Variants in PIEZO1 observed in about 807,000 individuals in gnomAD.
PIEZO1 encodes the protein piezo type mechanosensitive ion channel component 1 (Er blood group), also known as piezo-type mechanosensitive ion channel component 1.
PIEZO1 carries 296 observed loss-of-function variants against 297.2 expected under a neutral mutation model. The ratio of observed to expected loss-of-function variants is 1.00; its 90% CI spans 0.91 to 1.10. The LOEUF is 1.10. Among genes scored for constraint, PIEZO1 ranks in the 50% least tolerant of loss-of-function variants. The pLI, the probability that PIEZO1 is intolerant of heterozygous loss-of-function variation, is 0.00. For missense variants in PIEZO1, 5,018 were observed against 3,455.5 expected (o/e 1.45, Z -11.34); for synonymous variants, 2,427 against 1,507.5 (o/e 1.61, Z -14.13).
chr16:88,782,905 G>C (rs1280322103), intron 1 of PIEZO1, among the ~76,000 whole-genome samples: 1 of 152,200 alleles, frequency 6.6e-6, no homozygotes, highest in East Asian at 1.9e-4. Context: ...GTGACTGAGA[G>C]AAAACACTGA....
chr16:88,772,017 A>C (rs1234558567), intron 1 of PIEZO1, among the ~76,000 whole-genome samples: 1 of 72,550 alleles, frequency 1.4e-5, no homozygotes, highest in South Asian at 5.2e-4. Flanking sequence ...CCGCGGCCCC[A>C]GGCCCTCCTG....
At chr16:88,739,029 C>T (rs998841663) in intron 5 of PIEZO1, 11 of 496,350 alleles carry the variant, frequency 2.2e-5, no homozygotes, top group African/African-American at 3.9e-5. Flanking sequence ...ATGACCTTGC[C>T]AGGTACAGAC....
rs1302273450 is a variant in PIEZO1 at position 88,722,915 on chromosome 16, C to T, written c.4590G>A (p.Gln1530=). The change falls in exon 34 of 51, where the codon CAG becomes CAA. Residue 1530 remains glutamine (Q), a synonymous_variant. Coordinates refer to ENST00000301015, the MANE Select transcript of PIEZO1 (RefSeq NM_001142864.4). The part of the protein sequence containing the change: ...ALVDELTRWL[Q]EFTRHHGTMS... ...TGGTGCCGTGGTGCCGGGTGAACTC[C>T]TGCAGCCAGCGTGTCAGCTCATCCA... The T allele has an allele frequency of 1.3e-5, 20 of 1,549,400 alleles. No individual in the cohort carries two copies. Among genetic ancestry groups the T allele is most frequent in the African/African-American group, 1.2e-4 (9 of 73,144 alleles).
At chr16:88,757,039 G>A (rs1172441300) in intron 1 of PIEZO1, among the ~76,000 whole-genome samples, 1 of 152,190 alleles carries the variant, frequency 6.6e-6, no homozygotes, top group Middle Eastern at 3.2e-3. Context: ...TCAGGACACT[G>A]CACTCCAGCC....
At position 88,737,938 on chromosome 16, in the gene PIEZO1, C is replaced by A. The variant is rs1905352895; in HGVS notation, c.1016G>T (p.Gly339Val). Residue 339 changes from glycine (G) to valine (V), a missense_variant, in exon 8 of 51, where the codon GGC becomes GTC. By Grantham distance (109) the Gly-to-Val change is moderately radical. Transcript: ENST00000301015. ...CCATGGGTGGCAGGTGCTCACCTGG[C>A]CGGAGGGGCGGTACGCGCGGAGCTT... is the stretch of plus-strand genomic sequence containing the variant. ...LRKLRAYRPSGQRKEAAKGYE... is the reference protein window; with the variant it reads ...LRKLRAYRPSVQRKEAAKGYE... 6.5e-7 allele frequency: 1 copy of A among 1,529,578 alleles called. No homozygotes were observed. The highest frequency in any genetic ancestry group is 1.2e-5 in the South Asian group (1 of 83,462). The allele number at this position is 1,529,578 out of a possible 1,614,324, so 94.8% of individuals were successfully genotyped here. A position where few individuals can be genotyped will look rare whatever the true frequency, so the allele number is the denominator to read the frequency against.
At chr16:88,723,842 G>T in intron 31 of PIEZO1, 29 bp downstream of exon 31, 2 of 1,198,084 alleles carry the variant, frequency 1.7e-6, no homozygotes, top group Non-Finnish European at 2.4e-6. Flanking sequence ...TGTGGTTGGA[G>T]TGGGGCCGAC....
At chr16:88,777,380 C>A (rs1907713879) in intron 1 of PIEZO1, among the ~76,000 whole-genome samples, 1 of 152,196 alleles carries the variant, frequency 6.6e-6, no homozygotes. Flanking sequence ...GCAGGGTCCT[C>A]ATTGTCACTG....
chr16:88,765,408 G>C (rs985471116), intron 1 of PIEZO1, among the ~76,000 whole-genome samples: 3 of 152,208 alleles, frequency 2.0e-5, no homozygotes, highest in Non-Finnish European at 4.4e-5. Flanking sequence ...CGTACATCAT[G>C]TCTGTGTACT....
chr16:88,733,419 C>T lies in PIEZO1; in HGVS notation c.2523G>A (p.Trp841Ter), dbSNP rs1041509898. ...SVMNLLLVVL[W>*]AFALPYPRFR... ...AGCGTGGGTAGGGCAGGGCGAAGGC[C>T]CACAGCACCACCAGCAGCAGGTTCA... The change falls in exon 19 of 51, where the codon TGG (tryptophan) becomes TGA (stop). Residue 841 changes from tryptophan (W) to a stop codon, truncating the protein, a stop_gained. Transcript: ENST00000301015. LOFTEE classifies it high-confidence loss of function. 5.2e-6 allele frequency: 8 copies of T among 1,549,774 alleles called. No individual in the cohort carries two copies. Among genetic ancestry groups the T allele is most frequent in the Non-Finnish European group, 7.0e-6 (8 of 1,146,578 alleles).
chr16:88,717,190 G>GC lies in PIEZO1; in HGVS notation c.6492dup (p.Gln2165AlafsTer56). The GC allele has an allele frequency of 6.5e-7, 1 of 1,549,844 alleles. No individual in the cohort carries two copies. Among genetic ancestry groups the GC allele is most frequent in the Non-Finnish European group, 8.7e-7 (1 of 1,146,976 alleles). On this transcript the variant is annotated frameshift_variant, in exon 45 of 51. Transcript: ENST00000301015. LOFTEE classifies it high-confidence loss of function. ...TACTTGACGATCTTCTTCTTCTTCT[G>GC]CCCTTTGGGCTGCGGGTATTTCTGG... is the stretch of plus-strand genomic sequence containing the variant.
In PIEZO1 at chr16:88,759,230, G is replaced by A. The variant is rs376672290; in HGVS notation, c.65-9751C>T. 2.4e-4 allele frequency among the ~76,000 whole-genome samples: 36 copies of A among 152,368 alleles called. 2 individuals are homozygous for A. The South Asian group carries it at 5.0e-3, about 21-fold the overall frequency. On this transcript the variant is annotated intron_variant, in intron 1 of 50. Coordinates refer to ENST00000301015, the MANE Select transcript of PIEZO1 (RefSeq NM_001142864.4). ...CGTCTGAGTCCCCAGAGCTCACAGC[G>A]GCAGCTGCAGGGCTAGAACCTGGGC...
In PIEZO1 at chr16:88,716,845, C is replaced by T. The variant is rs1912077078; in HGVS notation, c.6714G>A (p.Gln2238=). 2 of 1,550,032 alleles carry T rather than the reference C, an allele frequency of 1.3e-6. No homozygotes were observed. Among genetic ancestry groups the T allele is most frequent in the African/African-American group, 1.4e-5 (1 of 73,072 alleles). ...ACTGCCGGGACAGCTCCTCATAGGC[C>T]TGGGCCGTGAAGGGGATGATGGACG... The part of the protein sequence containing the change: ...QQPSIIPFTA[Q]AYEELSRQFD... Residue 2238 remains glutamine, a synonymous_variant, in exon 46 of 51, where the codon CAG becomes CAA. Transcript: ENST00000301015.
chr16:88,776,153 G>A (rs1214510953), intron 1 of PIEZO1, among the ~76,000 whole-genome samples: 1 of 152,252 alleles, frequency 6.6e-6, no homozygotes, highest in Non-Finnish European at 1.5e-5. Context: ...AACCAAATGA[G>A]GCCGGGCGCG....
In PIEZO1 at chr16:88,716,792, C is replaced by CAGAG. The variant is rs1258499207; in HGVS notation, c.6753+10_6753+13dup. On this transcript the variant is annotated intron_variant, in intron 46 of 50. Coordinates refer to ENST00000301015, the MANE Select transcript of PIEZO1 (RefSeq NM_001142864.4). ...CCTCCCCACACCAGCTTTCACAGGG[C>CAGAG]AGAGGCCACTTACCGGCTGGGGGTC... 3 of 1,549,636 alleles carry CAGAG rather than the reference C, an allele frequency of 1.9e-6. No individual in the cohort carries two copies. Among genetic ancestry groups the CAGAG allele is most frequent in the African/African-American group, 1.4e-5 (1 of 73,076 alleles).
chr16:88,731,431 C>G (rs1352178323), intron 22 of PIEZO1: 1 of 474,972 alleles, frequency 2.1e-6, no homozygotes, highest in Non-Finnish European at 3.8e-6. Context: ...CCTTGTGTGA[C>G]TCACAACTTT....
rs773476725 is a variant in PIEZO1, at chr16:88,726,891, A to C, written c.3523T>G (p.Phe1175Val). The change falls in exon 25 of 51, where the codon TTT becomes GTT. Residue 1175 changes from phenylalanine to valine, a missense_variant. Coordinates refer to ENST00000301015, the MANE Select transcript of PIEZO1 (RefSeq NM_001142864.4). ...CTGATGCGGGTGGCCCCCGTGACAAACACCACCACCAGCACCAGCCAGAAC... is the reference window on the plus strand; with the variant it reads ...CTGATGCGGGTGGCCCCCGTGACAACCACCACCACCAGCACCAGCCAGAAC... ...YLFWLVLVVV[F>V]VTGATRISIF... 8.4e-6 allele frequency: 13 copies of C among 1,550,382 alleles called. No homozygotes were observed. The East Asian group carries it at 9.8e-5, about 12-fold the overall frequency.
At chr16:88,728,054 T>G (rs967725502) in intron 22 of PIEZO1, among the ~76,000 whole-genome samples, 6 of 152,222 alleles carry the variant, frequency 3.9e-5, no homozygotes, top group African/African-American at 1.4e-4. Context: ...CAACCACAGC[T>G]GGGAACGCGC....
At chr16:88,723,765 G>A (rs1349345352) in intron 31 of PIEZO1, 106 bp downstream of exon 31, 3 of 656,510 alleles carry the variant, frequency 4.6e-6, no homozygotes, top group South Asian at 3.6e-5. Context: ...AGGTGGAGGA[G>A]CTCGGCTCCC....
chr16:88,721,747 C>T lies in PIEZO1; in HGVS notation c.5215-21G>A, dbSNP rs903571499. 24 of 1,535,200 alleles carry T rather than the reference C, an allele frequency of 1.6e-5. No individual in the cohort carries two copies. In the African/African-American group the frequency reaches 3.3e-4, roughly 21 times the overall value. ...GCGATCTGTGGGGGAGGGGGCTCAGCACGCGGGGAGGGTCACGGCGCGGTG... is the reference window on the plus strand; with the variant it reads ...GCGATCTGTGGGGGAGGGGGCTCAGTACGCGGGGAGGGTCACGGCGCGGTG... On this transcript the variant is annotated intron_variant, in intron 37 of 50. Coordinates refer to ENST00000301015, the MANE Select transcript of PIEZO1 (RefSeq NM_001142864.4).
Sources: allele counts gnomAD v4.1 joint callset (sites outside exome capture counted in the v4.1 genomes callset), GRCh38; gene constraint gnomAD v4.1.1; transcripts MANE v1.5; gene names NCBI Gene and HGNC (gene_info 2026-07-23, HGNC 2026-07-21).